CEP112: variants seen among roughly 807,000 people sequenced by gnomAD.
CEP112 encodes the protein centrosomal protein of 112 kDa.
CEP112 carries 127 observed loss-of-function variants against 153.0 expected under a neutral mutation model. The observed-to-expected ratio is 0.83, with a 90% CI of 0.72 to 0.96. The LOEUF (loss-of-function observed/expected upper bound fraction) is 0.96, where lower values mean the gene tolerates loss of function less well. Ranked by LOEUF, CEP112 falls within the 40% of genes least tolerant of loss-of-function variation. The pLI is 0.00. For synonymous variants in CEP112, 358 were observed against 374.4 expected (o/e 0.96, Z 0.51); for missense variants, 1,089 against 1,101.2 (o/e 0.99, Z 0.16).
chr17:65,763,224 T>C (rs1210294044), intron 21 of CEP112, among the ~76,000 whole-genome samples: 1 of 152,058 alleles, frequency 6.6e-6, no homozygotes, highest in Non-Finnish European at 1.5e-5. Context: ...CTCTGGCAGA[T>C]TTCAATACTT....
chr17:66,057,190 GA>G (rs1331664680), intron 11 of CEP112, among the ~76,000 whole-genome samples: 1 of 152,206 alleles, frequency 6.6e-6, no homozygotes, highest in African/African-American at 2.4e-5. Context: ...ACTGGAGGTA[GA>G]GGCCAGTTAC....
At chr17:65,683,582 C>A (rs1391853040) in intron 24 of CEP112, among the ~76,000 whole-genome samples, 1 of 152,174 alleles carries the variant, frequency 6.6e-6, no homozygotes, top group African/African-American at 2.4e-5. Flanking sequence ...TTGAAACAAC[C>A]CCAAATTAGC....
chr17:65,992,805 C>A (rs369247388), intron 17 of CEP112, among the ~76,000 whole-genome samples: 28 of 152,208 alleles, frequency 1.8e-4, no homozygotes, highest in African/African-American at 6.3e-4. Context: ...TATACTATCC[C>A]GTTATACTTT....
At chr17:65,971,544 C>T (rs565836551) in intron 17 of CEP112, among the ~76,000 whole-genome samples, 33 of 152,250 alleles carry the variant, frequency 2.2e-4, no homozygotes, top group African/African-American at 7.7e-4. Flanking sequence ...ATGTATGTTG[C>T]ATGTATGTTA....
chr17:65,717,197 A>G (rs1356871973), intron 23 of CEP112, among the ~76,000 whole-genome samples: 1 of 152,212 alleles, frequency 6.6e-6, no homozygotes, highest in Non-Finnish European at 1.5e-5. Flanking sequence ...ACATGTAACC[A>G]CATCACACTT....
chr17:65,754,445 C>T (rs962529366), intron 21 of CEP112, among the ~76,000 whole-genome samples: 13 of 152,090 alleles, frequency 8.5e-5, no homozygotes, highest in Admixed American at 7.8e-4. Flanking sequence ...CCTGTCCCTA[C>T]AAAAAATACA....
chr17:65,700,561 G>A (rs1489336550), intron 23 of CEP112, among the ~76,000 whole-genome samples: 1 of 152,148 alleles, frequency 6.6e-6, no homozygotes. Flanking sequence ...CTACACCGAA[G>A]GCATGGCCAA....
At chr17:66,089,486 G>T (rs1054842472) in intron 8 of CEP112, among the ~76,000 whole-genome samples, 1 of 152,050 alleles carries the variant, frequency 6.6e-6, no homozygotes, top group South Asian at 2.1e-4. Flanking sequence ...ATTTAACAGA[G>T]AAATTTTTTA....
chr17:66,072,216 T>C (rs950210963), intron 8 of CEP112, among the ~76,000 whole-genome samples: 1 of 152,294 alleles, frequency 6.6e-6, no homozygotes, highest in East Asian at 1.9e-4. Context: ...AAAACTTCAA[T>C]ATATATTTCC....
rs541453666 is a variant in CEP112 at position 65,986,270 on chromosome 17, A to G, written c.1736+19420T>C. On this transcript the variant is annotated intron_variant, in intron 17 of 26. Transcript: ENST00000535342. ...AGAATCTCCAACAACTATAAAGTAC[A>G]TGGAAATAGACTAATTAAAAATATA... 8.7e-4 allele frequency among the ~76,000 whole-genome samples: 132 copies of G among 152,318 alleles called. 3 individuals are homozygous for G. The South Asian group carries it at 8.9e-3, about 10-fold the overall frequency.
At chr17:66,087,092 T>A (rs2067968539) in intron 8 of CEP112, among the ~76,000 whole-genome samples, 1 of 152,226 alleles carries the variant, frequency 6.6e-6, no homozygotes, top group African/African-American at 2.4e-5. Flanking sequence ...AGTTTATGAT[T>A]ACATGCAAAC....
chr17:65,789,331 C>T (rs2054463480), intron 21 of CEP112, among the ~76,000 whole-genome samples: 1 of 152,036 alleles, frequency 6.6e-6, no homozygotes, highest in South Asian at 2.1e-4. Flanking sequence ...CCTATTCACT[C>T]TAGATATTTC....
chr17:66,108,761 A>T (rs1356859062), intron 6 of CEP112, among the ~76,000 whole-genome samples: 2 of 152,198 alleles, frequency 1.3e-5, no homozygotes, highest in Non-Finnish European at 2.9e-5. Flanking sequence ...TCCCACTGCT[A>T]GGTATATACC....
At chr17:66,034,978 A>ATGTGTGTGTGTGTGTGTGTG in intron 12 of CEP112, among the ~76,000 whole-genome samples, 2 of 34,700 alleles carry the variant, frequency 5.8e-5, no homozygotes, top group Non-Finnish European at 9.4e-5. Flanking sequence ...TTTTGCATGT[A>ATGTGTGTGTGTGTGTGTGTG]TATATATATA....
intron 4 of CEP112, among the ~76,000 whole-genome samples, chr17:66,159,217 C>T (rs2071585526): frequency 6.6e-6 from 1 of 152,092 alleles, no homozygotes; most frequent in Non-Finnish European, 1.5e-5. Context: ...AATAGCCTAC[C>T]AACCAAAAAA....
intron 21 of CEP112, among the ~76,000 whole-genome samples, chr17:65,771,102 A>T (rs995910401): frequency 6.6e-6 from 1 of 152,010 alleles, no homozygotes; most frequent in Non-Finnish European, 1.5e-5. Context: ...TGTGTTTTTA[A>T]AAAAAAGTTT....
chr17:65,759,305 A>G (rs770949195), intron 21 of CEP112, among the ~76,000 whole-genome samples: 6 of 152,224 alleles, frequency 3.9e-5, no homozygotes, highest in Non-Finnish European at 7.4e-5. Context: ...TTATTCTTCT[A>G]TTTCCTTGAT....
At chr17:65,704,760 T>C (rs1567890298) in intron 23 of CEP112, among the ~76,000 whole-genome samples, 2 of 152,172 alleles carry the variant, frequency 1.3e-5, no homozygotes, top group Non-Finnish European at 2.9e-5. Flanking sequence ...TAGAAATCAT[T>C]CACGCCAGAT....
chr17:65,735,444 G>A (rs2050743373), intron 23 of CEP112, among the ~76,000 whole-genome samples: 1 of 151,802 alleles, frequency 6.6e-6, no homozygotes, highest in Admixed American at 6.6e-5. Context: ...ATGTATCCTC[G>A]AGGTTTGAGA....
Sources: allele counts gnomAD v4.1 joint callset (sites outside exome capture counted in the v4.1 genomes callset), GRCh38; gene constraint gnomAD v4.1.1; transcripts MANE v1.5; gene names NCBI Gene and HGNC (gene_info 2026-07-23, HGNC 2026-07-21).